Variants in ZC4H2 observed in about 807,000 individuals in gnomAD.
ZC4H2 encodes the protein zinc finger C4H2 domain-containing protein.
For missense variants in ZC4H2, 137 were observed against 173.9 expected (o/e 0.79, Z 1.19); for synonymous variants, 84 against 66.3 (o/e 1.27, Z -1.30).
At chrX:65,006,651 A>G (rs1932666136) in intron 1 of ZC4H2, among the ~76,000 whole-genome samples, 1 of 111,729 alleles carries the variant, frequency 9.0e-6, no homozygotes, top group Admixed American at 9.5e-5. Context: ...TGGCACATGT[A>G]TACATATGCA....
intron 1 of ZC4H2, among the ~76,000 whole-genome samples, chrX:64,991,875 A>G (rs779152656): frequency 8.9e-6 from 1 of 112,312 alleles, no homozygotes; most frequent in South Asian, 3.7e-4. Flanking sequence ...CACATGCTAA[A>G]GCAAATGAAC....
At chrX:64,954,339 ATTATATATAT>A (rs1931042758) in intron 1 of ZC4H2, among the ~76,000 whole-genome samples, 1 of 72,008 alleles carries the variant, frequency 1.4e-5, no homozygotes, top group African/African-American at 8.7e-5. Flanking sequence ...TATATATATA[ATTATATATAT>A]ATATAATTAT....
Position 64,973,564 on chromosome X carries a change from A to G in ZC4H2, c.53+2761T>C, listed in dbSNP as rs778623631. ...CAGTATAAATTTAGCTTCAATTATC[A>G]AAATACAAGAAATTTCAAGAGGAAA... is the stretch of plus-strand genomic sequence containing the variant. On this transcript the variant is annotated intron_variant, in intron 1 of 4. Transcript: ENST00000374839. Among the ~76,000 whole-genome samples, 6 of 110,345 alleles carry G rather than the reference A, an allele frequency of 5.4e-5. No homozygotes were observed. In the South Asian group the frequency reaches 2.3e-3, roughly 43 times the overall value.
intron 3 of ZC4H2, 28 bp downstream of exon 3, chrX:64,920,053 T>C (rs1929122723): frequency 1.2e-5 from 15 of 1,201,077 alleles, no homozygotes; most frequent in South Asian, 1.8e-5. Context: ...GGAGGGTATG[T>C]TGTAGGGACT....
intron 1 of ZC4H2, among the ~76,000 whole-genome samples, chrX:64,999,308 G>A (rs932467009): frequency 9.0e-6 from 1 of 111,237 alleles, no homozygotes; most frequent in Non-Finnish European, 1.9e-5. Flanking sequence ...GAAGCAGGGT[G>A]GGGTATTGCC....
In ZC4H2 at chrX:65,013,143, C is replaced by G. The variant is rs771512088; in HGVS notation, c.-272+21486G>C. ...AGTCTCTGATACAAGGACCTGCCAG[C>G]TCAAATCCCTGCAGCAAGTGATATA... On this transcript the variant is annotated intron_variant, in intron 1 of 4. Coordinates refer to the ZC4H2 transcript ENST00000337990. Among the ~76,000 whole-genome samples the G allele has an allele frequency of 2.7e-5, 3 of 111,545 alleles. No individual in the cohort carries two copies. In the South Asian group the frequency reaches 1.1e-3, roughly 43 times the overall value.
At chrX:64,969,862 T>G (rs957906533) in intron 1 of ZC4H2, among the ~76,000 whole-genome samples, 6 of 111,745 alleles carry the variant, frequency 5.4e-5, no homozygotes, top group Admixed American at 9.5e-5. Flanking sequence ...TGGGGAAGAC[T>G]GGGAAATAAA....
chrX:65,015,123 C>A (rs1313433022), intron 1 of ZC4H2, among the ~76,000 whole-genome samples: 1 of 111,505 alleles, frequency 9.0e-6, no homozygotes, highest in Non-Finnish European at 1.9e-5. Context: ...AATAAAAATT[C>A]CTTTTCATAT....
chrX:65,030,571 A>T (rs1374403969), intron 1 of ZC4H2, among the ~76,000 whole-genome samples: 1 of 112,182 alleles, frequency 8.9e-6, no homozygotes, highest in Non-Finnish European at 1.9e-5. Flanking sequence ...TTCTTGCATC[A>T]TTAGATTATA....
chrX:64,944,673 T>G (rs1445949685), intron 1 of ZC4H2, among the ~76,000 whole-genome samples: 1 of 111,520 alleles, frequency 9.0e-6, no homozygotes, highest in Non-Finnish European at 1.9e-5. Context: ...TGAAGAGTGT[T>G]TTCCAACTTG....
At position 64,967,365 on chromosome X, in the gene ZC4H2, A is replaced by T. The variant is rs1295560179; in HGVS notation, c.53+8960T>A. Among the ~76,000 whole-genome samples, 4 of 111,507 alleles carry T rather than the reference A, an allele frequency of 3.6e-5. No individual in the cohort carries two copies. In the Admixed American group the frequency reaches 3.8e-4, roughly 11 times the overall value. ...GTCACTGCTTAGATGTACTCACAAT[A>T]CCAAATTCCCTCTTTACAAACTTCC... On this transcript the variant is annotated intron_variant, in intron 1 of 4. Transcript: ENST00000374839.
chrX:65,010,977 G>C (rs1018358718), intron 1 of ZC4H2, among the ~76,000 whole-genome samples: 85 of 111,610 alleles, frequency 7.6e-4, no homozygotes, highest in African/African-American at 2.2e-3. Flanking sequence ...TAACCTCTTT[G>C]GTGAATTAGT....
At chrX:64,952,915 C>A (rs1275196740) in intron 1 of ZC4H2, among the ~76,000 whole-genome samples, 2 of 111,582 alleles carry the variant, frequency 1.8e-5, no homozygotes, top group African/African-American at 6.5e-5. Context: ...TACCTGACTT[C>A]AAACTATACT....
At chrX:64,952,019 G>A (rs1428064375) in intron 1 of ZC4H2, among the ~76,000 whole-genome samples, 3 of 110,905 alleles carry the variant, frequency 2.7e-5, no homozygotes, top group Non-Finnish European at 5.7e-5. Context: ...TTCTACATAT[G>A]GCTAGCCAGT....
rs770967487 is a variant in ZC4H2, at chrX:64,949,895, G to C, written c.53+26430C>G. On this transcript the variant is annotated intron_variant, in intron 1 of 4. Coordinates refer to ENST00000374839, the MANE Select transcript of ZC4H2 (RefSeq NM_018684.4). ...TATTTCTTGCCTTCTGCTAGCTTTT[G>C]AATGTGTTTGCTTTTGCTTCTCTAG... Among the ~76,000 whole-genome samples, 3 of 111,375 alleles carry C rather than the reference G, an allele frequency of 2.7e-5. No individual in the cohort carries two copies. The East Asian group carries it at 8.5e-4, about 32-fold the overall frequency.
At chrX:64,989,939 C>T (rs752740309) in intron 1 of ZC4H2, among the ~76,000 whole-genome samples, 80 of 111,818 alleles carry the variant, frequency 7.2e-4, no homozygotes, top group Non-Finnish European at 1.1e-3. Flanking sequence ...GCATGCACAA[C>T]GGTACAACCA....
intron 1 of ZC4H2, among the ~76,000 whole-genome samples, chrX:65,012,518 G>T (rs1228708287): frequency 9.0e-6 from 1 of 111,116 alleles, no homozygotes; most frequent in African/African-American, 3.3e-5. Flanking sequence ...ACTCTCTCTT[G>T]TACTACATAA....
intron 1 of ZC4H2, among the ~76,000 whole-genome samples, chrX:65,022,372 T>C (rs1196142519): frequency 8.9e-6 from 1 of 111,807 alleles, no homozygotes; most frequent in Admixed American, 9.5e-5. Flanking sequence ...TGGTTGACCA[T>C]ATGCAAATCA....
chrX:65,005,177 A>G (rs747363043), intron 1 of ZC4H2, among the ~76,000 whole-genome samples: 2 of 112,099 alleles, frequency 1.8e-5, no homozygotes, highest in South Asian at 3.7e-4. Flanking sequence ...TATAGATTCA[A>G]TGCTACCCCC....
Sources: allele counts gnomAD v4.1 joint callset (sites outside exome capture counted in the v4.1 genomes callset), GRCh38; gene constraint gnomAD v4.1.1; transcripts MANE v1.5; gene names NCBI Gene and HGNC (gene_info 2026-07-23, HGNC 2026-07-21).